The following EIF2AK3 variants were observed in gnomAD, a reference collection of about 807,000 sequenced individuals.
The protein encoded by EIF2AK3 is eukaryotic translation initiation factor 2-alpha kinase 3.
Under a neutral mutation model 113.5 loss-of-function variants are expected in EIF2AK3, and 50 were observed. The observed-to-expected ratio is 0.44, with a 90% CI of 0.35 to 0.56. The LOEUF (loss-of-function observed/expected upper bound fraction) is 0.56, where lower values mean the gene tolerates loss of function less well. Ranked by LOEUF, EIF2AK3 falls within the 20% of genes least tolerant of loss-of-function variation. The probability of loss-of-function intolerance (pLI) is 0.00; values close to 1 mark genes in which losing one functional copy is unlikely to be tolerated. For synonymous variants in EIF2AK3, 448 were observed against 495.4 expected, an observed-to-expected ratio of 0.90 and a Z score of 1.27; for missense variants, 1,185 against 1,378.0, an observed-to-expected ratio of 0.86 and a Z score of 2.22.
At position 88,557,478 on chromosome 2, in the gene EIF2AK3, A is replaced by G; in HGVS notation, c.*258T>C. On this transcript the variant is annotated 3_prime_UTR_variant, in exon 17 of 17. Transcript: ENST00000303236. ...CCTCCTTAGGCAAATGGTGAGGGCT[A>G]TAAAGCTTGGCCAGCAGCCAGTTTC... The G allele has an allele frequency of 5.8e-6, 3 of 521,008 alleles. No individual in the cohort carries two copies. Among genetic ancestry groups the G allele is most frequent in the South Asian group, 2.1e-5 (1 of 47,906 alleles). 32.3% of individuals were successfully genotyped at this position (521,008 alleles called of 1,614,324 possible).
rs1674713275 is a variant in EIF2AK3 at position 88,585,894 on chromosome 2, T to C, written c.1597A>G (p.Ile533Val). 3 of 1,614,004 alleles carry C rather than the reference T, an allele frequency of 1.9e-6. No homozygotes were observed. Among genetic ancestry groups the C allele is most frequent in the African/African-American group, 2.7e-5 (2 of 74,926 alleles). Residue 533 changes from isoleucine to valine, a missense_variant, in exon 9 of 17, where the codon ATC becomes GTC. This residue lies in a region of EIF2AK3 where 877 missense variants were observed against 1,024.2 expected (regional missense o/e 0.86). Coordinates refer to ENST00000303236, the MANE Select transcript of EIF2AK3 (RefSeq NM_004836.7). ...KEIVATILFC[I>V]IATTFIVRRL... ...CGCACAATAAACGTTGTTGCTATGA[T>C]ACAAAACAAAATCGTTGCAACTATT...
chr2:88,581,074 A>G (rs1674587816), intron 10 of EIF2AK3, among the ~76,000 whole-genome samples: 1 of 152,196 alleles, frequency 6.6e-6, no homozygotes, highest in Admixed American at 6.5e-5. Flanking sequence ...TGTAAGTATC[A>G]TCTTGCCTAA....
intron 6 of EIF2AK3, among the ~76,000 whole-genome samples, chr2:88,590,237 A>C (rs1674848257): frequency 6.6e-6 from 1 of 152,186 alleles, no homozygotes; most frequent in South Asian, 2.1e-4. Flanking sequence ...CTCCATCTCC[A>C]ACAACAACAA....
chr2:88,575,512 C>T (rs992664198), intron 12 of EIF2AK3, 66 bp from the exon 13 acceptor site: 8 of 1,560,472 alleles, frequency 5.1e-6, no homozygotes, highest in African/African-American at 4.1e-5. Flanking sequence ...CTGAACTGCA[C>T]CCTCTGTTTA....
In EIF2AK3 at chr2:88,627,249, A is replaced by G. The variant is rs1247889487; in HGVS notation, c.26T>C (p.Leu9Pro). ...CAGCAGCAGCAGCGCCCGTACCAGC[A>G]GCCCCGGGCTGATGGCGCGCTCCAT... MERAISPG[L>P]LVRALLLLLL... Residue 9 changes from leucine to proline, a missense_variant, in exon 1 of 17, where the codon CTG (leucine) becomes CCG (proline). By Grantham distance (98) the Leu-to-Pro change is moderately conservative. Around this residue, in one of 3 missense-constraint regions of EIF2AK3, gnomAD observed 189 missense variants for 175.2 expected, o/e 1.08. Coordinates refer to ENST00000303236, the MANE Select transcript of EIF2AK3 (RefSeq NM_004836.7). The G allele has an allele frequency of 6.7e-7, 1 of 1,482,216 alleles. No individual in the cohort carries two copies. Among genetic ancestry groups the G allele is most frequent in the South Asian group, 1.3e-5 (1 of 79,282 alleles). The allele number at this position is 1,482,216 out of a possible 1,614,324, so 91.8% of individuals were successfully genotyped here. A position where few individuals can be genotyped will look rare whatever the true frequency, so the allele number is the denominator to read the frequency against.
At chr2:88,590,722 C>T (rs1674866125) in intron 5 of EIF2AK3, 96 bp downstream of exon 5, 24 of 1,562,358 alleles carry the variant, frequency 1.5e-5, no homozygotes, top group Non-Finnish European at 2.0e-5. Flanking sequence ...AAGCTGAGAG[C>T]CCCAAGTAGT....
chr2:88,604,801 G>A (rs1164294470), intron 2 of EIF2AK3, among the ~76,000 whole-genome samples: 1 of 152,202 alleles, frequency 6.6e-6, no homozygotes, highest in African/African-American at 2.4e-5. Context: ...TATGCTGTAC[G>A]CAAGATGTCT....
At chr2:88,620,000 C>T (rs1470970564) in intron 1 of EIF2AK3, among the ~76,000 whole-genome samples, 1 of 151,968 alleles carries the variant, frequency 6.6e-6, no homozygotes, top group African/African-American at 2.4e-5. Flanking sequence ...ATTACCACAG[C>T]TCTTGCTCTA....
chr2:88,610,990 G>A lies in EIF2AK3; in HGVS notation c.438+2734C>T, dbSNP rs1014435987. Among the ~76,000 whole-genome samples, 12 of 152,256 alleles carry A rather than the reference G, an allele frequency of 7.9e-5. No individual in the cohort carries two copies. In the East Asian group the frequency reaches 9.7e-4, roughly 12 times the overall value. On this transcript the variant is annotated intron_variant, in intron 2 of 16. Coordinates refer to ENST00000303236, the MANE Select transcript of EIF2AK3 (RefSeq NM_004836.7). ...TTGCTTGAGCCCAGGATTCAAGGCTGCAGAGAGATATGATCACACCATTGC... is the reference window on the plus strand; with the variant it reads ...TTGCTTGAGCCCAGGATTCAAGGCTACAGAGAGATATGATCACACCATTGC...
chr2:88,569,418 CAGTATT>C (rs1674232193), intron 14 of EIF2AK3, among the ~76,000 whole-genome samples: 1 of 151,206 alleles, frequency 6.6e-6, no homozygotes, highest in Admixed American at 6.6e-5. Context: ...GGAAAACTAA[CAGTATT>C]TGTTGCCAAT....
At chr2:88,572,361 T>C (rs1674334834) in intron 13 of EIF2AK3, among the ~76,000 whole-genome samples, 1 of 152,218 alleles carries the variant, frequency 6.6e-6, no homozygotes, top group African/African-American at 2.4e-5. Context: ...GGGAACTTCC[T>C]TCTTGCTGAC....
chr2:88,574,599 C>A, intron 13 of EIF2AK3, 67 bp downstream of exon 13: 1 of 1,563,392 alleles, frequency 6.4e-7, no homozygotes, highest in South Asian at 1.1e-5. Flanking sequence ...CAGAGTACTG[C>A]AAGTACTGCT....
At chr2:88,579,118 CA>C (rs764078939) in intron 11 of EIF2AK3, among the ~76,000 whole-genome samples, 21 of 152,172 alleles carry the variant, frequency 1.4e-4, no homozygotes, top group Non-Finnish European at 2.8e-4. Flanking sequence ...GACCAGAAAA[CA>C]AAATCAAAAG....
rs763030610 is a variant in EIF2AK3, at chr2:88,575,461, A to C, written c.2037-15T>G. 2.5e-6 allele frequency: 4 copies of C among 1,602,928 alleles called. No individual in the cohort carries two copies. The highest frequency in any genetic ancestry group is 2.5e-6 in the Non-Finnish European group (3 of 1,179,842). On this transcript the variant is annotated splice_polypyrimidine_tract_variant and intron_variant, in intron 12 of 16. Transcript: ENST00000303236. ...GCCAGTCTGTGCTAAAAGTGGGAGA[A>C]ATACAAAGGGGTAAGAGTGAATATA... is the stretch of plus-strand genomic sequence containing the variant.
At chr2:88,606,702 T>C (rs889205788) in intron 2 of EIF2AK3, among the ~76,000 whole-genome samples, 3 of 152,168 alleles carry the variant, frequency 2.0e-5, no homozygotes, top group Non-Finnish European at 4.4e-5. Flanking sequence ...ATAGACTCTT[T>C]CTAAACAAAT....
chr2:88,565,040 T>G (rs541653270), intron 14 of EIF2AK3, among the ~76,000 whole-genome samples: 43 of 139,458 alleles, frequency 3.1e-4, no homozygotes, highest in Admixed American at 5.0e-4. Context: ...AAAAAGGTGT[T>G]TTTTTTTTTT....
intron 14 of EIF2AK3, among the ~76,000 whole-genome samples, chr2:88,565,273 T>C (rs921848533): frequency 4.0e-5 from 6 of 151,716 alleles, no homozygotes; most frequent in Non-Finnish European, 8.8e-5. Flanking sequence ...TGACCTCAGA[T>C]GATCTGCCTG....
chr2:88,586,364 A>G (rs1174142992), intron 8 of EIF2AK3, among the ~76,000 whole-genome samples: 2 of 152,096 alleles, frequency 1.3e-5, no homozygotes, highest in Non-Finnish European at 2.9e-5. Flanking sequence ...TAAATATAAG[A>G]ATTAATACTC....
chr2:88,597,768 T>G (rs971086451), intron 2 of EIF2AK3, among the ~76,000 whole-genome samples: 1 of 152,164 alleles, frequency 6.6e-6, no homozygotes, highest in African/African-American at 2.4e-5. Context: ...ATCTTCCCAT[T>G]CCTTAACTTT....
Sources: gnomAD v4.1 joint callset for allele counts (sites outside exome capture counted in the v4.1 genomes callset) on GRCh38, gnomAD v4.1.1 for gene constraint, gnomAD v4.1.1 regional missense constraint, MANE v1.5 for transcripts, NCBI Gene and HGNC (gene_info 2026-07-23, HGNC 2026-07-21) for gene names.